The following NEK11 variants were observed in gnomAD, a reference collection of about 807,000 sequenced individuals.
NEK11 encodes the protein NIMA related kinase 11, also known as serine/threonine-protein kinase Nek11.
Under a neutral mutation model 80.7 loss-of-function variants are expected in NEK11, and 72 were observed. The observed-to-expected ratio is 0.89, with a 90% CI of 0.74 to 1.08. The LOEUF (loss-of-function observed/expected upper bound fraction) is 1.08. Among genes scored for constraint, NEK11 ranks in the 50% least tolerant of loss-of-function variants. NEK11 has a pLI of 0.00. For synonymous variants in NEK11, 251 were observed against 260.7 expected, an observed-to-expected ratio of 0.96 and a Z score of 0.36; for missense variants, 764 against 763.6, an observed-to-expected ratio of 1.00 and a Z score of -0.01.
At chr3:131,169,857 G>A (rs955047380) in intron 13 of NEK11, among the ~76,000 whole-genome samples, 7 of 152,132 alleles carry the variant, frequency 4.6e-5, no homozygotes, top group East Asian at 3.9e-4. Flanking sequence ...ACGTAAAGAC[G>A]TATTTCATGT....
At chr3:131,064,151 G>A (rs1040532468) in intron 3 of NEK11, among the ~76,000 whole-genome samples, 60 of 152,170 alleles carry the variant, frequency 3.9e-4, no homozygotes, top group African/African-American at 1.4e-3. Context: ...AAAAGTGGTT[G>A]CCAGGGGCTA....
At chr3:131,055,931 C>T (rs1050121479) in intron 3 of NEK11, among the ~76,000 whole-genome samples, 1 of 152,086 alleles carries the variant, frequency 6.6e-6, no homozygotes, top group Non-Finnish European at 1.5e-5. Context: ...TCTTGTTTTT[C>T]CAGTAGCAGG....
intron 17 of NEK11, chr3:131,329,872 G>T (rs1181758509): frequency 6.6e-6 from 1 of 152,420 alleles, no homozygotes; most frequent in Non-Finnish European, 1.5e-5. Context: ...AATCTGGAGA[G>T]ATATGATTGG....
At chr3:131,300,731 G>T (rs1372017122) in intron 17 of NEK11, among the ~76,000 whole-genome samples, 1 of 152,096 alleles carries the variant, frequency 6.6e-6, no homozygotes, top group Non-Finnish European at 1.5e-5. Flanking sequence ...CTGTTCCATT[G>T]TTCTGTGTGT....
intron 14 of NEK11, among the ~76,000 whole-genome samples, chr3:131,184,150 A>G (rs2093496755): frequency 6.6e-6 from 1 of 152,186 alleles, no homozygotes; most frequent in African/African-American, 2.4e-5. Flanking sequence ...ATTTTCCATT[A>G]TATTGGCAAT....
intron 14 of NEK11, among the ~76,000 whole-genome samples, chr3:131,208,638 G>A (rs1275479582): frequency 3.3e-5 from 5 of 151,916 alleles, no homozygotes; most frequent in Admixed American, 2.0e-4. Context: ...CTTTTATTTC[G>A]TGGAGCAGTG....
At chr3:131,132,892 C>G in intron 6 of NEK11, 83 bp downstream of exon 6, 1 of 625,352 alleles carries the variant, frequency 1.6e-6, no homozygotes, top group South Asian at 2.1e-5. Context: ...GTAAATGGTA[C>G]GTGGAAGTAT....
In NEK11 at chr3:131,162,388, G is replaced by A; in HGVS notation, c.963-20G>A. On this transcript the variant is annotated intron_variant, in intron 10 of 17. Transcript: ENST00000383366. ...CATGTTTGGGATGGGCTATATGAGG[G>A]GAATCTTTGTTATTTATAGGCAAAA... is the stretch of plus-strand genomic sequence containing the variant. 1 of 1,609,982 alleles carries A rather than the reference G, an allele frequency of 6.2e-7. No individual in the cohort carries two copies. The highest frequency in any genetic ancestry group is 1.1e-5 in the South Asian group (1 of 90,030).
intron 14 of NEK11, 145 bp downstream of exon 14, chr3:131,171,032 C>A: frequency 1.4e-6 from 1 of 701,370 alleles, no homozygotes; most frequent in Admixed American, 2.1e-5. Flanking sequence ...TGGGCTATGA[C>A]CAGGATGAAA....
intron 4 of NEK11, among the ~76,000 whole-genome samples, chr3:131,082,639 T>C (rs2075437546): frequency 6.6e-6 from 1 of 152,260 alleles, no homozygotes; most frequent in African/African-American, 2.4e-5. Context: ...GGCTCCTCGC[T>C]ACCGTATTAG....
intron 17 of NEK11, among the ~76,000 whole-genome samples, chr3:131,301,473 A>G (rs1205556590): frequency 1.4e-5 from 2 of 147,802 alleles, no homozygotes; most frequent in African/African-American, 2.5e-5. Flanking sequence ...GGAATGCTAC[A>G]GCTTTTTTTT....
intron 7 of NEK11, among the ~76,000 whole-genome samples, chr3:131,150,493 T>C (rs2089440090): frequency 1.3e-5 from 2 of 152,014 alleles, no homozygotes. Flanking sequence ...TTCCTGGTGG[T>C]TTGTTTTATT....
chr3:131,128,464 A>G (rs1417148820), intron 5 of NEK11, among the ~76,000 whole-genome samples: 6 of 152,182 alleles, frequency 3.9e-5, no homozygotes, highest in Admixed American at 3.9e-4. Context: ...AGTTTCTTCC[A>G]TGTCTTTTCA....
At position 131,203,767 on chromosome 3, in the gene NEK11, G is replaced by A. The variant is rs13099624; in HGVS notation, c.1400-24761G>A. On this transcript the variant is annotated intron_variant, in intron 14 of 17. Coordinates refer to ENST00000383366, the MANE Select transcript of NEK11 (RefSeq NM_024800.5). Reference sequence around the variant, plus strand: ...TATATATGTGTGTGTGTGTGTGTGTGTATATATATATATATATATATATAT... The same window carrying A: ...TATATATGTGTGTGTGTGTGTGTGTATATATATATATATATATATATATAT... Among the ~76,000 whole-genome samples the A allele has an allele frequency of 7.2e-3, 388 of 53,966 alleles. 9 individuals carry two copies. The highest frequency in any genetic ancestry group is 0.024 in the East Asian group (14 of 588). The allele number at this position is 53,966 out of a possible 152,430, so 35.4% of individuals were successfully genotyped here. A position where few individuals can be genotyped will look rare whatever the true frequency, so the allele number is the denominator to read the frequency against.
At chr3:131,172,483 G>A (rs1185332534) in intron 14 of NEK11, among the ~76,000 whole-genome samples, 6 of 152,184 alleles carry the variant, frequency 3.9e-5, no homozygotes, top group Non-Finnish European at 1.5e-5. Context: ...CTTTAGATTG[G>A]CATTAGCCAG....
At chr3:131,234,544 G>C (rs888172314) in intron 15 of NEK11, among the ~76,000 whole-genome samples, 1 of 152,156 alleles carries the variant, frequency 6.6e-6, no homozygotes, top group African/African-American at 2.4e-5. Flanking sequence ...TCCCAGTTTG[G>C]TGTGTCATTC....
intron 16 of NEK11, among the ~76,000 whole-genome samples, chr3:131,258,899 T>C (rs572443182): frequency 5.1e-4 from 78 of 152,320 alleles, no homozygotes; most frequent in African/African-American, 1.9e-3. Context: ...ATTGATACAC[T>C]GAGAAGCTGC....
intron 4 of NEK11, among the ~76,000 whole-genome samples, chr3:131,098,046 C>T (rs112179318): frequency 1.6e-5 from 2 of 126,066 alleles, no homozygotes; most frequent in African/African-American, 5.4e-5. Context: ...GAAAAACAAG[C>T]AATGGGGAAA....
Position 131,155,019 on chromosome 3 carries a change from G to A in NEK11, c.877-17G>A, listed in dbSNP as rs200262796. 1.3e-5 allele frequency: 19 copies of A among 1,484,360 alleles called. No homozygotes were observed. The highest frequency in any genetic ancestry group is 2.3e-5 in the South Asian group (2 of 88,302). The allele number at this position is 1,484,360 out of a possible 1,614,324, so 91.9% of individuals were successfully genotyped here. A position where few individuals can be genotyped will look rare whatever the true frequency, so the allele number is the denominator to read the frequency against. ...AGAGGAGCCTTTAAGATATGTCAGG[G>A]TTGATCTTTTTTTCAGAACCTAATG... On this transcript the variant is annotated splice_polypyrimidine_tract_variant and intron_variant, in intron 9 of 17. Transcript: ENST00000383366.
Sources: allele counts gnomAD v4.1 joint callset (sites outside exome capture counted in the v4.1 genomes callset), GRCh38; gene constraint gnomAD v4.1.1; transcripts MANE v1.5; gene names NCBI Gene and HGNC (gene_info 2026-07-23, HGNC 2026-07-21).